Variants in STX5 observed in about 807,000 individuals in gnomAD.
STX5 encodes syntaxin-5.
Under a neutral mutation model 42.9 loss-of-function variants are expected in STX5, and 15 were observed. That is an observed-to-expected ratio of 0.35 (90% confidence interval 0.23 to 0.54). The LOEUF (loss-of-function observed/expected upper bound fraction) is 0.54. Ranked by LOEUF, STX5 falls within the 20% of genes least tolerant of loss-of-function variation. The probability of loss-of-function intolerance (pLI) is 0.91; values close to 1 mark genes in which losing one functional copy is unlikely to be tolerated. For missense variants in STX5, 430 were observed against 455.0 expected (o/e 0.95, Z 0.50); for synonymous variants, 184 against 173.2 (o/e 1.06, Z -0.49).
At chr11:62,813,784 T>C (rs1055461972) in intron 10 of STX5, among the ~76,000 whole-genome samples, 1 of 152,132 alleles carries the variant, frequency 6.6e-6, no homozygotes, top group African/African-American at 2.4e-5. Flanking sequence ...AAGACTGAAG[T>C]GGTCTGAAGA....
chr11:62,831,912 A>C (rs1263570368), intron 1 of STX5, 42 bp downstream of exon 1: 2 of 456,814 alleles, frequency 4.4e-6, no homozygotes, highest in African/African-American at 4.0e-5. Flanking sequence ...ACTGCCCCAG[A>C]GCTGACACGG....
chr11:62,809,222 A>G (rs2084587860), intron 10 of STX5, among the ~76,000 whole-genome samples: 1 of 143,842 alleles, frequency 7.0e-6, no homozygotes, highest in Non-Finnish European at 1.5e-5. Context: ...CAGGAGGTGG[A>G]GCTTGCAGTG....
rs1241069449 is a variant in STX5, at chr11:62,825,307, T to C, written c.573A>G (p.Lys191=). 6.2e-7 allele frequency: 1 copy of C among 1,614,120 alleles called. No homozygotes were observed. The highest frequency in any genetic ancestry group is 1.7e-5 in the Admixed American group (1 of 60,012). ...CCTCTGTCCTCACTTCTAAAACCGA[T>C]TTGAAGTCATTGGACATAGAAGCCA... ...SKLASMSNDF[K]SVLEVRTENL... The change falls in exon 7 of 11, where the codon AAA becomes AAG. Residue 191 remains lysine, a synonymous_variant. Coordinates refer to ENST00000294179, the MANE Select transcript of STX5 (RefSeq NM_003164.5).
Position 62,807,439 on chromosome 11 carries a change from C to T in STX5, c.*30G>A, listed in dbSNP as rs754950346. The T allele has an allele frequency of 6.2e-7, 1 of 1,608,750 alleles. No homozygotes were observed. The highest frequency in any genetic ancestry group is 1.3e-5 in the African/African-American group (1 of 74,878). Reference sequence around the variant, plus strand: ...TTGCCTTCCCAGGAGGGTCCCAAACCCCAACAGAGTGCCTCAGAGTAGAGA... The same window carrying T: ...TTGCCTTCCCAGGAGGGTCCCAAACTCCAACAGAGTGCCTCAGAGTAGAGA... On this transcript the variant is annotated 3_prime_UTR_variant, in exon 11 of 11. Transcript: ENST00000294179.
chr11:62,821,903 G>T (rs965621598), intron 10 of STX5, among the ~76,000 whole-genome samples: 1 of 152,012 alleles, frequency 6.6e-6, no homozygotes, highest in African/African-American at 2.4e-5. Flanking sequence ...TCACGCACTT[G>T]CAGTCCCAGC....
At chr11:62,827,026 G>A (rs2084803835) in intron 5 of STX5, 129 bp downstream of exon 5, 1 of 776,612 alleles carries the variant, frequency 1.3e-6, no homozygotes, top group Non-Finnish European at 2.1e-6. Flanking sequence ...CTCCAGACTG[G>A]TCAACACAGT....
At chr11:62,809,846 A>C (rs970787980) in intron 10 of STX5, among the ~76,000 whole-genome samples, 3 of 151,392 alleles carry the variant, frequency 2.0e-5, no homozygotes, top group Non-Finnish European at 4.4e-5. Context: ...GCTCACGCCG[A>C]TAATCCCAGC....
chr11:62,814,415 C>A (rs1436231275), intron 10 of STX5, among the ~76,000 whole-genome samples: 1 of 151,976 alleles, frequency 6.6e-6, no homozygotes, highest in African/African-American at 2.4e-5. Context: ...CCCACTTCTG[C>A]CTCCCAAAGT....
intron 10 of STX5, chr11:62,807,908 G>T: frequency 2.3e-6 from 1 of 440,332 alleles, no homozygotes; most frequent in Non-Finnish European, 4.0e-6. Context: ...CCTTCTCTCA[G>T]GCTACTGTCT....
At chr11:62,824,113 A>G in intron 10 of STX5, 53 bp downstream of exon 10, 2 of 1,612,824 alleles carry the variant, frequency 1.2e-6, no homozygotes, top group Non-Finnish European at 1.7e-6. Context: ...TTAAGATGCC[A>G]ATCCACGGGG....
chr11:62,808,122 C>T (rs2084573279), intron 10 of STX5: 1 of 155,986 alleles, frequency 6.4e-6, no homozygotes, highest in Non-Finnish European at 1.4e-5. Flanking sequence ...GACAGGAAAT[C>T]AGGGGATAAA....
intron 10 of STX5, among the ~76,000 whole-genome samples, chr11:62,811,115 C>T (rs1211019438): frequency 6.6e-6 from 1 of 152,106 alleles, no homozygotes; most frequent in Admixed American, 6.5e-5. Flanking sequence ...CCAGATTCTT[C>T]CCTTCTCTAC....
intron 2 of STX5, among the ~76,000 whole-genome samples, 170 bp downstream of exon 2, chr11:62,830,849 A>G (rs2084848765): frequency 6.6e-6 from 1 of 152,188 alleles, no homozygotes; most frequent in Non-Finnish European, 1.5e-5. Context: ...GCCCCTAGTT[A>G]GCCAGCCGAC....
chr11:62,815,454 G>GT (rs1398704238), intron 10 of STX5, among the ~76,000 whole-genome samples: 3 of 121,724 alleles, frequency 2.5e-5, no homozygotes, highest in African/African-American at 5.7e-5. Flanking sequence ...TTGAGACAGA[G>GT]TATCACTCTG....
At chr11:62,824,977 A>G (rs1319107465) in intron 8 of STX5, 59 bp downstream of exon 8, 2 of 1,572,798 alleles carry the variant, frequency 1.3e-6, no homozygotes, top group Non-Finnish European at 8.7e-7. Flanking sequence ...AGAGGATGCC[A>G]TCACAACCAG....
intron 2 of STX5, among the ~76,000 whole-genome samples, chr11:62,828,502 G>A (rs988254190): frequency 1.5e-4 from 23 of 151,056 alleles, no homozygotes; most frequent in East Asian, 4.0e-4. Context: ...TGAGGCAGGC[G>A]GATCACGAGG....
intron 10 of STX5, among the ~76,000 whole-genome samples, chr11:62,818,506 G>A (rs2084700317): frequency 6.7e-6 from 1 of 149,156 alleles, no homozygotes; most frequent in African/African-American, 2.5e-5. Context: ...AGACTGCAAT[G>A]AGCCGAGATC....
chr11:62,826,376 G>A (rs1280796048), intron 5 of STX5, among the ~76,000 whole-genome samples: 2 of 148,042 alleles, frequency 1.4e-5, no homozygotes, highest in Non-Finnish European at 3.0e-5. Context: ...TGACCAACGT[G>A]GAGAAACCCT....
intron 10 of STX5, among the ~76,000 whole-genome samples, chr11:62,818,568 A>G (rs1565210571): frequency 6.6e-6 from 1 of 150,886 alleles, no homozygotes; most frequent in Non-Finnish European, 1.5e-5. Flanking sequence ...TGTCTCAGAA[A>G]AAAAAAAAAA....
Sources: allele counts gnomAD v4.1 joint callset (sites outside exome capture counted in the v4.1 genomes callset), GRCh38; gene constraint gnomAD v4.1.1; transcripts MANE v1.5; gene names NCBI Gene and HGNC (gene_info 2026-07-23, HGNC 2026-07-21).